PIK3CB: variants seen among roughly 807,000 people sequenced by gnomAD.
PIK3CB encodes phosphatidylinositol-4,5-bisphosphate 3-kinase catalytic subunit beta, also known as phosphatidylinositol 4,5-bisphosphate 3-kinase catalytic subunit beta isoform.
A neutral mutation model predicts 136.8 loss-of-function variants in PIK3CB; 39 were observed. The observed-to-expected ratio is 0.29, with a 90% CI of 0.22 to 0.37. The LOEUF (loss-of-function observed/expected upper bound fraction) is 0.37, where lower values mean the gene tolerates loss of function less well. PIK3CB is among the 10% of genes least tolerant of loss of function. The pLI is 1.00. For missense variants in PIK3CB, 868 were observed against 1,275.4 expected (o/e 0.68, Z 4.87); for synonymous variants, 428 against 436.6 (o/e 0.98, Z 0.25).
chr3:138,711,434 C>T (rs1299181347), intron 10 of PIK3CB, among the ~76,000 whole-genome samples: 1 of 151,798 alleles, frequency 6.6e-6, no homozygotes, highest in Non-Finnish European at 1.5e-5. Flanking sequence ...ACAAAATTAG[C>T]TGGACGTGGT....
In PIK3CB at chr3:138,705,155, C is replaced by CAAAAAAAAAAAAAAA. The variant is rs1312893752; in HGVS notation, c.1531-677_1531-663dup. Among the ~76,000 whole-genome samples, 79 of 29,814 alleles carry CAAAAAAAAAAAAAAA rather than the reference C, an allele frequency of 2.6e-3. 10 individuals carry two copies. Among genetic ancestry groups the CAAAAAAAAAAAAAAA allele is most frequent in the East Asian group, 0.013 (3 of 232 alleles). 19.6% of individuals were successfully genotyped at this position (29,814 alleles called of 152,430 possible). ...AAGACTCTCCAAGAGATTAGAAAGGCAAAAAAAAAAAAAAAAAACAAAAAA... is the reference window on the plus strand; with the variant it reads ...AAGACTCTCCAAGAGATTAGAAAGGCAAAAAAAAAAAAAAAAAAAAAAAAAAAAAAAAACAAAAAA... On this transcript the variant is annotated intron_variant, in intron 11 of 23. Transcript: ENST00000674063.
rs878972235 is a variant in PIK3CB, at chr3:138,737,961, T to C, written c.622-75A>G. On this transcript the variant is annotated intron_variant, in intron 5 of 23. Transcript: ENST00000674063. ...CTGAAAAATCACATTACAATCATTATGTAATAATATGTACAAATGTACATA... is the reference window on the plus strand; with the variant it reads ...CTGAAAAATCACATTACAATCATTACGTAATAATATGTACAAATGTACATA... The C allele has an allele frequency of 3.7e-5, 31 of 835,428 alleles. No homozygotes were observed. In the African/African-American group the frequency reaches 4.7e-4, roughly 13 times the overall value. 51.8% of individuals were successfully genotyped at this position (835,428 alleles called of 1,614,324 possible). A position where few individuals can be genotyped will look rare whatever the true frequency, so the allele number is the denominator to read the frequency against.
At chr3:138,770,353 A>G (rs963277141) in intron 2 of PIK3CB, 2 of 152,198 alleles carry the variant, frequency 1.3e-5, no homozygotes, top group Admixed American at 6.6e-5. Context: ...ATAAGCAGAA[A>G]ACAACATAAA....
At chr3:138,715,702 T>TA (rs1252988483) in intron 8 of PIK3CB, among the ~76,000 whole-genome samples, 6 of 151,888 alleles carry the variant, frequency 4.0e-5, no homozygotes, top group Non-Finnish European at 5.9e-5. Context: ...TATAAAATTT[T>TA]AAATACTGAT....
chr3:138,722,023 C>T (rs1361286484), intron 8 of PIK3CB, among the ~76,000 whole-genome samples: 1 of 152,060 alleles, frequency 6.6e-6, no homozygotes, highest in Non-Finnish European at 1.5e-5. Context: ...GCCTTGTCCA[C>T]TAGGTGTAGG....
intron 1 of PIK3CB, among the ~76,000 whole-genome samples, chr3:138,810,037 C>A (rs917399282): frequency 6.6e-6 from 1 of 152,126 alleles, no homozygotes; most frequent in Non-Finnish European, 1.5e-5. Flanking sequence ...CACGAACACA[C>A]ACACACAATG....
intron 1 of PIK3CB, among the ~76,000 whole-genome samples, chr3:138,828,166 C>T (rs1476461101): frequency 6.7e-6 from 1 of 148,520 alleles, no homozygotes; most frequent in African/African-American, 2.5e-5. Flanking sequence ...TTTATTCATT[C>T]AACAGTAATT....
chr3:138,723,907 C>T (rs1417173927), intron 8 of PIK3CB, among the ~76,000 whole-genome samples: 1 of 151,986 alleles, frequency 6.6e-6, no homozygotes, highest in Admixed American at 6.6e-5. Context: ...GTGGAAATTC[C>T]CATGTTTTGG....
intron 6 of PIK3CB, 106 bp from the exon 7 acceptor site, chr3:138,734,910 G>T: frequency 1.6e-6 from 1 of 613,460 alleles, no homozygotes; most frequent in Non-Finnish European, 2.6e-6. Context: ...GTGAAAGTAT[G>T]TCTTAAACCA....
intron 3 of PIK3CB, among the ~76,000 whole-genome samples, 199 bp from the exon 4 acceptor site, chr3:138,756,178 GA>G (rs1198403116): frequency 1.3e-5 from 2 of 151,808 alleles, no homozygotes; most frequent in Non-Finnish European, 2.9e-5. Context: ...CAGAAAAATA[GA>G]AAAAAATATA....
At chr3:138,793,614 A>T (rs1559881050) in intron 2 of PIK3CB, among the ~76,000 whole-genome samples, 1 of 150,996 alleles carries the variant, frequency 6.6e-6, no homozygotes. Context: ...TCAAAAAAAA[A>T]AAAAAAAGTT....
rs531946456 is a variant in PIK3CB, at chr3:138,656,096, C to T, written c.3075+46G>A. 298 of 1,601,804 alleles carry T rather than the reference C, an allele frequency of 1.9e-4. 1 individual carries two copies. In the South Asian group the frequency reaches 3.1e-3, roughly 17 times the overall value. ...AATAAAACAGGCAGCTAAAACTGAG[C>T]TCAATGCCCACAAAGTCCAAGAGAG... On this transcript the variant is annotated intron_variant, in intron 23 of 23. Coordinates refer to ENST00000674063, the MANE Select transcript of PIK3CB (RefSeq NM_006219.3).
intron 2 of PIK3CB, among the ~76,000 whole-genome samples, chr3:138,765,631 A>C: frequency 6.6e-6 from 1 of 151,084 alleles, no homozygotes; most frequent in East Asian, 2.0e-4. Flanking sequence ...TCACTTGAGC[A>C]CATGAGTTCA....
chr3:138,763,643 C>T (rs1390583438), intron 2 of PIK3CB, among the ~76,000 whole-genome samples: 1 of 152,192 alleles, frequency 6.6e-6, no homozygotes, highest in Non-Finnish European at 1.5e-5. Context: ...GGATCTCACC[C>T]TTACCAGACA....
chr3:138,756,424 C>CA (rs1301678347), intron 3 of PIK3CB, among the ~76,000 whole-genome samples: 10 of 151,240 alleles, frequency 6.6e-5, no homozygotes, highest in African/African-American at 9.7e-5. Flanking sequence ...CAGGAGTAAT[C>CA]AAAAAAAAAT....
intron 2 of PIK3CB, among the ~76,000 whole-genome samples, chr3:138,772,325 T>C (rs1477401349): frequency 2.0e-5 from 3 of 152,224 alleles, no homozygotes; most frequent in African/African-American, 7.2e-5. Context: ...TTATTCAACG[T>C]GCCTTTAATG....
At chr3:138,692,748 T>C (rs1350503493) in intron 14 of PIK3CB, among the ~76,000 whole-genome samples, 2 of 152,194 alleles carry the variant, frequency 1.3e-5, no homozygotes, top group Non-Finnish European at 2.9e-5. Flanking sequence ...TCCACACTAT[T>C]TTGTGGGCTT....
chr3:138,756,164 T>C (rs1371780132), intron 3 of PIK3CB, among the ~76,000 whole-genome samples, 185 bp from the exon 4 acceptor site: 1 of 152,080 alleles, frequency 6.6e-6, no homozygotes, highest in African/African-American at 2.4e-5. Context: ...AATAGAAATA[T>C]ATTCAGAAAA....
Position 138,682,010 on chromosome 3 carries a change from G to T in PIK3CB, c.2461C>A (p.Arg821Ser). The change falls in exon 19 of 24, where the codon CGC becomes AGC. Residue 821 changes from arginine to serine, a missense_variant. By Grantham distance (110) the Arg-to-Ser change is moderately radical. Transcript: ENST00000674063. ...TCTTTCCAGAGTAAATCCATCAAGC[G>T]CAACATTTGGAGTGTCAACATATCC... is the stretch of plus-strand genomic sequence containing the variant. ...RQDMLTLQML[R>S]LMDLLWKEAG... is the part of the protein sequence containing the mutation. 6.2e-7 allele frequency: 1 copy of T among 1,610,490 alleles called. No individual in the cohort carries two copies.
Sources: gnomAD v4.1 joint callset for allele counts (sites outside exome capture counted in the v4.1 genomes callset) on GRCh38, gnomAD v4.1.1 for gene constraint, MANE v1.5 for transcripts, NCBI Gene and HGNC (gene_info 2026-07-23, HGNC 2026-07-21) for gene names.